RALGPS1: variants seen among roughly 807,000 people sequenced by gnomAD.
RALGPS1 encodes ras-specific guanine nucleotide-releasing factor RalGPS1.
Under a neutral mutation model 78.8 loss-of-function variants are expected in RALGPS1, and 19 were observed. The observed-to-expected ratio is 0.24, with a 90% CI of 0.17 to 0.35. The LOEUF (loss-of-function observed/expected upper bound fraction) is 0.35, where lower values mean the gene tolerates loss of function less well. Among genes scored for constraint, RALGPS1 ranks in the 10% least tolerant of loss-of-function variants. The pLI is 1.00. For synonymous variants in RALGPS1, 228 were observed against 256.3 expected (o/e 0.89, Z 1.06); for missense variants, 454 against 688.3 (o/e 0.66, Z 3.81).
intron 7 of RALGPS1, among the ~76,000 whole-genome samples, chr9:127,058,337 T>C (rs538731251): frequency 3.9e-5 from 6 of 152,302 alleles, no homozygotes; most frequent in South Asian, 4.1e-4. Context: ...TGGCTTCCAG[T>C]TGCTCTTTGG....
intron 5 of RALGPS1, among the ~76,000 whole-genome samples, chr9:127,035,310 G>C (rs1470921122): frequency 6.6e-6 from 1 of 152,102 alleles, no homozygotes; most frequent in Non-Finnish European, 1.5e-5. Flanking sequence ...AACTGACTTG[G>C]TCCAACAAGA....
chr9:126,946,052 A>G (rs1480477012), intron 1 of RALGPS1, among the ~76,000 whole-genome samples: 1 of 152,192 alleles, frequency 6.6e-6, no homozygotes, highest in Non-Finnish European at 1.5e-5. Flanking sequence ...GAGACTGCGT[A>G]AGAGGCTTTC....
intron 7 of RALGPS1, among the ~76,000 whole-genome samples, chr9:127,061,959 G>A (rs763902525): frequency 1.1e-4 from 16 of 152,078 alleles, no homozygotes; most frequent in Non-Finnish European, 2.2e-4. Flanking sequence ...GGTTGCCATG[G>A]TTGGAATAAA....
intron 14 of RALGPS1, among the ~76,000 whole-genome samples, chr9:127,202,946 G>A (rs1231365747): frequency 6.6e-6 from 1 of 152,178 alleles, no homozygotes; most frequent in Non-Finnish European, 1.5e-5. Context: ...TGGAGAGGAG[G>A]GCTGTGGGCT....
At chr9:127,199,879 C>G (rs962106718) in intron 14 of RALGPS1, among the ~76,000 whole-genome samples, 12 of 152,102 alleles carry the variant, frequency 7.9e-5, no homozygotes, top group Non-Finnish European at 1.8e-4. Context: ...CAGGTTTGCA[C>G]CAGTATCCAG....
chr9:127,053,378 G>A (rs1196832942), intron 7 of RALGPS1, among the ~76,000 whole-genome samples: 7 of 152,122 alleles, frequency 4.6e-5, no homozygotes, highest in Non-Finnish European at 8.8e-5. Flanking sequence ...AGGAAAAAAC[G>A]GATTTTTTTC....
chr9:127,014,996 T>G (rs2133989165), intron 4 of RALGPS1, among the ~76,000 whole-genome samples: 1 of 152,342 alleles, frequency 6.6e-6, no homozygotes, highest in South Asian at 2.1e-4. Flanking sequence ...GTTTTGAGAC[T>G]TAAATAAAAT....
chr9:127,160,847 T>C (rs1348546672), intron 8 of RALGPS1, among the ~76,000 whole-genome samples: 1 of 152,226 alleles, frequency 6.6e-6, no homozygotes, highest in Admixed American at 6.5e-5. Flanking sequence ...AGTTTCCTAA[T>C]CTGTAAAATG....
chr9:126,954,582 A>G (rs2038170682), intron 1 of RALGPS1, among the ~76,000 whole-genome samples: 2 of 152,110 alleles, frequency 1.3e-5, no homozygotes, highest in Non-Finnish European at 2.9e-5. Context: ...AGGTCAGGAG[A>G]TCAACTCCAG....
intron 8 of RALGPS1, among the ~76,000 whole-genome samples, chr9:127,086,613 A>G (rs1442700788): frequency 3.3e-5 from 5 of 152,196 alleles, no homozygotes; most frequent in African/African-American, 4.8e-5. Flanking sequence ...TTTGCTATAT[A>G]TGTTTCAAAT....
At chr9:127,113,318 G>A (rs2055041222) in intron 8 of RALGPS1, among the ~76,000 whole-genome samples, 1 of 152,128 alleles carries the variant, frequency 6.6e-6, no homozygotes, top group Admixed American at 6.5e-5. Context: ...CATGCTCCTT[G>A]GGCTTCTCTT....
intron 11 of RALGPS1, among the ~76,000 whole-genome samples, chr9:127,192,540 C>T (rs973616859): frequency 3.9e-5 from 6 of 152,122 alleles, no homozygotes; most frequent in Non-Finnish European, 7.4e-5. Flanking sequence ...ATCCCAGCTA[C>T]TCAGGAGGCT....
At chr9:127,166,323 C>G (rs1009597143) in intron 9 of RALGPS1, 117 bp downstream of exon 9, 1 of 1,190,398 alleles carries the variant, frequency 8.4e-7, no homozygotes, top group Non-Finnish European at 1.2e-6. Context: ...TTTAATATAT[C>G]GAGCATCAAA....
At chr9:127,206,088 A>G (rs2061915912) in intron 14 of RALGPS1, among the ~76,000 whole-genome samples, 1 of 152,214 alleles carries the variant, frequency 6.6e-6, no homozygotes, top group Non-Finnish European at 1.5e-5. Flanking sequence ...TGAAGATGAG[A>G]GTGAAGCATC....
chr9:127,178,869 G>A lies in RALGPS1; in HGVS notation c.910+4087G>A, dbSNP rs901972503. Among the ~76,000 whole-genome samples, 8 of 152,324 alleles carry A rather than the reference G, an allele frequency of 5.3e-5. No homozygotes were observed. The East Asian group carries it at 1.3e-3, about 26-fold the overall frequency. ...CAACTGGCCCTCATGCTCCTCCGTG[G>A]CACTTCCTTCTGCAGTGATGGCACA... is the stretch of plus-strand genomic sequence containing the variant. On this transcript the variant is annotated intron_variant, in intron 11 of 18. Coordinates refer to ENST00000259351, the MANE Select transcript of RALGPS1 (RefSeq NM_014636.3).
chr9:127,150,768 G>A lies in RALGPS1; in HGVS notation c.611-15301G>A, dbSNP rs543377391. ...AGAGCTCACCAGATGGGATGCAACC[G>A]TGAAAGCCACCCAAGTGCTTGCTTT... On this transcript the variant is annotated intron_variant, in intron 8 of 18. Transcript: ENST00000259351. 1.1e-4 allele frequency among the ~76,000 whole-genome samples: 17 copies of A among 152,336 alleles called. No individual in the cohort carries two copies. In the East Asian group the frequency reaches 1.5e-3, roughly 14 times the overall value.
chr9:127,118,348 A>T (rs1041584053), intron 8 of RALGPS1, among the ~76,000 whole-genome samples: 1 of 152,238 alleles, frequency 6.6e-6, no homozygotes, highest in Non-Finnish European at 1.5e-5. Context: ...GAGGCTTCTG[A>T]CGTGACCAGT....
chr9:127,115,232 C>A (rs1245860838), intron 8 of RALGPS1, among the ~76,000 whole-genome samples: 2 of 152,050 alleles, frequency 1.3e-5, no homozygotes, highest in Non-Finnish European at 2.9e-5. Flanking sequence ...TCTTGTCACC[C>A]AGGCTGGAGT....
intron 11 of RALGPS1, among the ~76,000 whole-genome samples, chr9:127,188,997 CAAAAAAAAAAAA>C (rs543909572): frequency 1.4e-4 from 8 of 56,826 alleles, no homozygotes; most frequent in Non-Finnish European, 1.5e-4. Context: ...AAGACTGTCT[CAAAAAAAAAAAA>C]AAAAAAAAAA....
Sources: allele counts gnomAD v4.1 joint callset (sites outside exome capture counted in the v4.1 genomes callset), GRCh38; gene constraint gnomAD v4.1.1; transcripts MANE v1.5; gene names NCBI Gene and HGNC (gene_info 2026-07-23, HGNC 2026-07-21).